Variants in OXNAD1 observed in about 807,000 individuals in gnomAD.
OXNAD1 encodes oxidoreductase NAD-binding domain-containing protein 1.
OXNAD1 carries 34 observed loss-of-function variants against 32.9 expected under a neutral mutation model. That is an observed-to-expected ratio of 1.03 (90% CI 0.79 to 1.38). The LOEUF (loss-of-function observed/expected upper bound fraction) is 1.38. Ranked by LOEUF, OXNAD1 falls within the 40% of genes most tolerant of loss-of-function variation. The pLI is 0.00. For missense variants in OXNAD1, 407 were observed against 379.4 expected, an observed-to-expected ratio of 1.07 and a Z score of -0.60; for synonymous variants, 134 against 135.2, an observed-to-expected ratio of 0.99 and a Z score of 0.06.
intron 4 of OXNAD1, chr3:16,276,131 T>A (rs567548270): frequency 5.6e-6 from 1 of 180,002 alleles, no homozygotes; most frequent in African/African-American, 2.4e-5. Flanking sequence ...AGACTCTGTC[T>A]CAAAAAGAAA....
rs538821984 is a variant in OXNAD1 at position 16,290,794 on chromosome 3, G to A, written c.291-4062G>A. On this transcript the variant is annotated intron_variant, in intron 5 of 8. Transcript: ENST00000285083. This position sits in a 1 kb window ranked among gnomAD's most constrained non-coding sequence, Gnocchi z 4.2. ...ACACTTATAATAAATGACTGGAAAT[G>A]TAAGGCCATAGACTGCAGGAGAATA... 1.3e-5 allele frequency among the ~76,000 whole-genome samples: 2 copies of A among 152,318 alleles called. No individual in the cohort carries two copies. Among genetic ancestry groups the A allele is most frequent in the Non-Finnish European group, 2.9e-5 (2 of 68,014 alleles).
downstream of OXNAD1, among the ~76,000 whole-genome samples, chr3:16,310,416 C>CTTACTATCTTTA (rs1342443640): frequency 1.3e-5 from 2 of 152,120 alleles, no homozygotes; most frequent in African/African-American, 2.4e-5. Flanking sequence ...AAATATATTT[C>CTTACTATCTTTA]TTACTATCTT....
downstream of OXNAD1, among the ~76,000 whole-genome samples, chr3:16,308,537 C>T (rs909328203): frequency 3.3e-5 from 5 of 151,996 alleles, no homozygotes; most frequent in Non-Finnish European, 5.9e-5. This position sits in a 1 kb window ranked among gnomAD's most constrained non-coding sequence, Gnocchi z 4.4. Flanking sequence ...ACCTGAGAGC[C>T]GTTATTTCAT....
Position 16,306,035 on chromosome 3 carries a change from ATTTG to A in OXNAD1, c.*2476_*2479del, listed in dbSNP as rs1230075073. On this transcript the variant is annotated 3_prime_UTR_variant, in exon 9 of 9. Coordinates refer to ENST00000285083, the MANE Select transcript of OXNAD1 (RefSeq NM_138381.5). ...GGCACAAAATAGGTATTTCATAAATATTTGTTAATATGCTCAGAGTTGATAAGCT... is the reference window on the plus strand; with the variant it reads ...GGCACAAAATAGGTATTTCATAAATATTAATATGCTCAGAGTTGATAAGCT... 1 of 151,812 alleles carries A rather than the reference ATTTG, an allele frequency of 6.6e-6. No individual in the cohort carries two copies. Among genetic ancestry groups the A allele is most frequent in the Non-Finnish European group, 1.5e-5 (1 of 67,874 alleles). The allele number at this position is 151,812 out of a possible 1,614,324, so 9.4% of individuals were successfully genotyped here.
In OXNAD1 at chr3:16,271,945, T is replaced by G. The variant is rs547682667; in HGVS notation, c.183+223T>G. Among the ~76,000 whole-genome samples the G allele has an allele frequency of 1.3e-5, 2 of 152,318 alleles. No homozygotes were observed. The highest frequency in any genetic ancestry group is 3.9e-4 in the East Asian group (2 of 5,190). On this transcript the variant is annotated intron_variant, in intron 4 of 8. Coordinates refer to ENST00000285083, the MANE Select transcript of OXNAD1 (RefSeq NM_138381.5). This position sits in a 1 kb window ranked among gnomAD's most constrained non-coding sequence, Gnocchi z 4.6. The stretch of plus-strand genomic sequence containing the variant: ...CCCTTTAAACTTGGAATGAATGGAT[T>G]ACCTTTTGATGAAGCAAGTAGAGCA...
At chr3:16,318,476 G>A (rs1448196318) in intron 9 of OXNAD1, among the ~76,000 whole-genome samples, 4 of 152,094 alleles carry the variant, frequency 2.6e-5, no homozygotes, top group East Asian at 3.8e-4. Flanking sequence ...CATTCTGAGC[G>A]CTTTGCTAGG....
Position 16,293,892 on chromosome 3 carries a change from T to A in OXNAD1, c.291-964T>A, listed in dbSNP as rs1575121031. On this transcript the variant is annotated intron_variant, in intron 5 of 8. Transcript: ENST00000285083. ...AAGTGTTGGATTTTGTCAAATGTCTTTTCTTGACTATTGAGATGATCATGT... is the reference window on the plus strand; with the variant it reads ...AAGTGTTGGATTTTGTCAAATGTCTATTCTTGACTATTGAGATGATCATGT... Among the ~76,000 whole-genome samples, 5 of 152,344 alleles carry A rather than the reference T, an allele frequency of 3.3e-5. 1 individual carries two copies. Among genetic ancestry groups the A allele is most frequent in the Non-Finnish European group, 7.3e-5 (5 of 68,040 alleles).
chr3:16,296,783 CAAAAA>C (rs1259677718), intron 6 of OXNAD1, among the ~76,000 whole-genome samples: 1 of 151,814 alleles, frequency 6.6e-6, no homozygotes, highest in Non-Finnish European at 1.5e-5. Context: ...ATGCAAAAAA[CAAAAA>C]AACGAAAAAC....
downstream of OXNAD1, among the ~76,000 whole-genome samples, chr3:16,338,484 T>C (rs2071072684): frequency 6.6e-6 from 1 of 152,254 alleles, no homozygotes. This position sits in a 1 kb window ranked among gnomAD's most constrained non-coding sequence, Gnocchi z 5.3. Flanking sequence ...GCTCCTGTCC[T>C]CTAGAAGCTG....
At chr3:16,272,819 CT>C (rs769015287) in intron 4 of OXNAD1, among the ~76,000 whole-genome samples, 69 of 150,492 alleles carry the variant, frequency 4.6e-4, no homozygotes, top group Non-Finnish European at 8.1e-4. Flanking sequence ...GTTAGGATTT[CT>C]TTTTATAAAA....
rs929073923 is a variant in OXNAD1, at chr3:16,304,232, G to T, written c.*670G>T. ...AACCCTTTCTGTGTCTTGGCTGTCT[G>T]CCTTAACGCTGTAGGAGGCAGCTTC... is the stretch of plus-strand genomic sequence containing the variant. On this transcript the variant is annotated 3_prime_UTR_variant, in exon 9 of 9. Coordinates refer to ENST00000285083, the MANE Select transcript of OXNAD1 (RefSeq NM_138381.5). The surrounding 1 kb of genome is among the most constrained non-coding windows in gnomAD (Gnocchi z 4.6). 3.3e-5 allele frequency: 5 copies of T among 152,264 alleles called. No individual in the cohort carries two copies. Among genetic ancestry groups the T allele is most frequent in the African/African-American group, 1.2e-4 (5 of 41,448 alleles). 9.4% of individuals were successfully genotyped at this position (152,264 alleles called of 1,614,324 possible).
At chr3:16,274,194 T>C (rs941689175) in intron 4 of OXNAD1, among the ~76,000 whole-genome samples, 7 of 149,748 alleles carry the variant, frequency 4.7e-5, no homozygotes, top group South Asian at 2.1e-4. Flanking sequence ...ACAAAAGATA[T>C]CAACTATGAT....
chr3:16,338,865 AGTCT>A (rs944722281), downstream of OXNAD1, among the ~76,000 whole-genome samples: 7 of 152,380 alleles, frequency 4.6e-5, no homozygotes, highest in African/African-American at 1.7e-4. This position sits in a 1 kb window ranked among gnomAD's most constrained non-coding sequence, Gnocchi z 5.3. Context: ...GGAGAGAGCC[AGTCT>A]GTCTGCAGGA....
At chr3:16,315,344 G>C (rs2068274604) in intron 9 of OXNAD1, among the ~76,000 whole-genome samples, 1 of 152,172 alleles carries the variant, frequency 6.6e-6, no homozygotes, top group South Asian at 2.1e-4. Flanking sequence ...TCGAACTCCT[G>C]ACCTCAGGTG....
At position 16,299,796 on chromosome 3, in the gene OXNAD1, C is replaced by G. The variant is rs1008486324; in HGVS notation, c.433-1830C>G. Among the ~76,000 whole-genome samples, 5 of 152,226 alleles carry G rather than the reference C, an allele frequency of 3.3e-5. No homozygotes were observed. Among genetic ancestry groups the G allele is most frequent in the African/African-American group, 1.2e-4 (5 of 41,464 alleles). Reference sequence around the variant, plus strand: ...ACGTGTAATGGGAGAAACCTATGCTCTTAATACAAGTTTCTTTATTCCTAG... The same window carrying G: ...ACGTGTAATGGGAGAAACCTATGCTGTTAATACAAGTTTCTTTATTCCTAG... On this transcript the variant is annotated intron_variant, in intron 6 of 8. Transcript: ENST00000285083. The surrounding 1 kb of genome is among the most constrained non-coding windows in gnomAD (Gnocchi z 4.4).
chr3:16,336,514 G>A lies in OXNAD1; in HGVS notation c.*31-598G>A, dbSNP rs568789838. Among the ~76,000 whole-genome samples, 7 of 152,326 alleles carry A rather than the reference G, an allele frequency of 4.6e-5. No homozygotes were observed. Among genetic ancestry groups the A allele is most frequent in the African/African-American group, 9.6e-5 (4 of 41,570 alleles). On this transcript the variant is annotated intron_variant, in intron 9 of 9. Coordinates refer to the OXNAD1 transcript ENST00000435829. This position sits in a 1 kb window ranked among gnomAD's most constrained non-coding sequence, Gnocchi z 6.0. ...GGAGGGAGGGACAGGCACGCTGGCC[G>A]GCTAGAGATGTTGTTTTCTCCTTTG... is the stretch of plus-strand genomic sequence containing the variant.
intron 9 of OXNAD1, chr3:16,323,273 C>T: frequency 1.2e-6 from 1 of 815,722 alleles, no homozygotes; most frequent in Non-Finnish European, 2.0e-6. Context: ...GCTCTGCGAG[C>T]CCTTGGAAGC....
Position 16,302,757 on chromosome 3 carries a change from C to G in OXNAD1, c.784+9C>G. On this transcript the variant is annotated intron_variant, in intron 8 of 8. Coordinates refer to ENST00000285083, the MANE Select transcript of OXNAD1 (RefSeq NM_138381.5). This position sits in a 1 kb window ranked among gnomAD's most constrained non-coding sequence, Gnocchi z 4.2. ...CAAGCCATACATCACGGGTGAGTCCCCTAAAGATATTTTGACTATCTCCAT... is the reference window on the plus strand; with the variant it reads ...CAAGCCATACATCACGGGTGAGTCCGCTAAAGATATTTTGACTATCTCCAT... The G allele has an allele frequency of 6.3e-7, 1 of 1,588,092 alleles. No homozygotes were observed. Among genetic ancestry groups the G allele is most frequent in the Non-Finnish European group, 8.6e-7 (1 of 1,157,948 alleles).
intron 2 of OXNAD1, among the ~76,000 whole-genome samples, chr3:16,270,415 CT>C (rs2064841582): frequency 6.6e-6 from 1 of 152,152 alleles, no homozygotes; most frequent in African/African-American, 2.4e-5. Flanking sequence ...GTTACCTTAT[CT>C]CCTGTAGTAA....
Sources: gnomAD v4.1 joint callset for allele counts (sites outside exome capture counted in the v4.1 genomes callset) on GRCh38, gnomAD v4.1.1 for gene constraint, Gnocchi (gnomAD v3.1) non-coding constraint, MANE v1.5 for transcripts, NCBI Gene and HGNC (gene_info 2026-07-23, HGNC 2026-07-21) for gene names.